Variants in FMNL2 observed in about 807,000 individuals in gnomAD.
FMNL2 encodes formin like 2, also known as formin-like protein 2.
A neutral mutation model predicts 130.2 loss-of-function variants in FMNL2; 51 were observed. The ratio of observed to expected loss-of-function variants is 0.39; its 90% CI spans 0.31 to 0.49. FMNL2 has a LOEUF of 0.49. FMNL2 is among the 20% of genes least tolerant of loss of function. The pLI, the probability that FMNL2 is intolerant of heterozygous loss-of-function variation, is 0.85. For missense variants in FMNL2, 977 were observed against 1,316.2 expected, an observed-to-expected ratio of 0.74 and a Z score of 3.99; for synonymous variants, 465 against 467.1, an observed-to-expected ratio of 1.00 and a Z score of 0.06.
At position 152,560,733 on chromosome 2, in the gene FMNL2, C is replaced by T. The variant is rs1397746601; in HGVS notation, c.444-150C>T. The T allele has an allele frequency of 2.0e-5, 13 of 641,284 alleles. No individual in the cohort carries two copies. The African/African-American group carries it at 2.4e-4, about 12-fold the overall frequency. The allele number at this position is 641,284 out of a possible 1,614,324, so 39.7% of individuals were successfully genotyped here. ...AGCTAACACTGAGCCCATAGAAATTCCATTATATTTCCTTTCCAGTTTTCT... is the reference window on the plus strand; with the variant it reads ...AGCTAACACTGAGCCCATAGAAATTTCATTATATTTCCTTTCCAGTTTTCT... On this transcript the variant is annotated intron_variant, in intron 5 of 25. Transcript: ENST00000288670.
intron 1 of FMNL2, among the ~76,000 whole-genome samples, chr2:152,336,125 C>T (rs1315097791): frequency 1.7e-5 from 2 of 115,684 alleles, no homozygotes; most frequent in Admixed American, 9.2e-5. Context: ...AACAAAACAC[C>T]CTGAGCCCCT....
At chr2:152,349,615 C>T (rs536594493) in intron 1 of FMNL2, among the ~76,000 whole-genome samples, 2 of 152,200 alleles carry the variant, frequency 1.3e-5, no homozygotes, top group Non-Finnish European at 2.9e-5. Flanking sequence ...GTGTTATATG[C>T]TGCAAAATCT....
At chr2:152,607,072 A>G (rs1433368470) in intron 9 of FMNL2, among the ~76,000 whole-genome samples, 8 of 133,870 alleles carry the variant, frequency 6.0e-5, no homozygotes, top group Non-Finnish European at 1.6e-5. Flanking sequence ...AAAATTCGTG[A>G]GACTGCAAAG....
At chr2:152,497,075 G>A (rs763547539) in intron 1 of FMNL2, among the ~76,000 whole-genome samples, 2 of 152,086 alleles carry the variant, frequency 1.3e-5, no homozygotes, top group African/African-American at 4.8e-5. Context: ...GAGCTAGGAA[G>A]TATATGTGTA....
intron 9 of FMNL2, among the ~76,000 whole-genome samples, chr2:152,604,220 GGGAGAA>G (rs1430117035): frequency 6.6e-6 from 1 of 150,994 alleles, no homozygotes; most frequent in Non-Finnish European, 1.5e-5. Context: ...TGGGCTATGT[GGGAGAA>G]GGAACCTCAG....
chr2:152,605,296 CTGTGCG>C (rs1364579015), intron 9 of FMNL2, among the ~76,000 whole-genome samples: 7 of 150,828 alleles, frequency 4.6e-5, no homozygotes, highest in Non-Finnish European at 4.4e-5. Flanking sequence ...GTGTGTGCGT[CTGTGCG>C]TGTGCGTGTG....
intron 3 of FMNL2, among the ~76,000 whole-genome samples, chr2:152,544,154 C>T (rs1227523464): frequency 4.6e-5 from 7 of 152,100 alleles, no homozygotes; most frequent in South Asian, 4.2e-4. Context: ...CAGTGGCTCA[C>T]GTCTGTAATC....
chr2:152,560,922 G>A lies in FMNL2; in HGVS notation c.483G>A (p.Ser161=), dbSNP rs1216911994. 1.2e-5 allele frequency: 20 copies of A among 1,612,230 alleles called. 1 individual carries two copies. The highest frequency in any genetic ancestry group is 8.9e-5 in the East Asian group (4 of 44,782). Residue 161 remains serine, a synonymous_variant, in exon 6 of 26, where the codon TCG becomes TCA. Transcript: ENST00000288670. ...GTGTGGAGAGTACTGTGGAGAGCTC[G>A]GTGGACAAATCAAAGCCCTGGAGTA... ...FESVESTVES[S]VDKSKPWSRS... is the part of the protein sequence containing the mutation.
At chr2:152,433,292 C>T (rs1687591644) in intron 1 of FMNL2, among the ~76,000 whole-genome samples, 1 of 152,128 alleles carries the variant, frequency 6.6e-6, no homozygotes, top group Non-Finnish European at 1.5e-5. Flanking sequence ...TCAACTATTG[C>T]AAAATAACAG....
At position 152,625,466 on chromosome 2, in the gene FMNL2, G is replaced by A. The variant is rs763794973; in HGVS notation, c.1866G>A (p.Thr622=). ...AAVKIKKPIK[T]KFRMPVFNWV... is the part of the protein sequence containing the mutation. ...TGAAAATTAAGAAGCCAATCAAGAC[G>A]AAGTTCAGAATGCCAGTGTTTAACT... The change falls in exon 16 of 26, where the codon ACG becomes ACA. Residue 622 remains threonine (T), a synonymous_variant. Transcript: ENST00000288670. 14 of 1,610,550 alleles carry A rather than the reference G, an allele frequency of 8.7e-6. No homozygotes were observed. The highest frequency in any genetic ancestry group is 1.1e-5 in the Non-Finnish European group (13 of 1,177,106).
At chr2:152,637,718 CCCT>C in intron 23 of FMNL2, 44 bp downstream of exon 23, 1 of 1,547,770 alleles carries the variant, frequency 6.5e-7, no homozygotes, top group Non-Finnish European at 8.9e-7. Flanking sequence ...CAAGCAATTG[CCCT>C]CCTTGAGATG....
chr2:152,554,302 G>A (rs1478350431), intron 4 of FMNL2, among the ~76,000 whole-genome samples: 2 of 152,162 alleles, frequency 1.3e-5, no homozygotes, highest in Non-Finnish European at 2.9e-5. Context: ...AGCTACTCAG[G>A]AGGCTGAGGT....
chr2:152,538,165 C>T (rs1018744800), intron 2 of FMNL2, among the ~76,000 whole-genome samples: 27 of 152,056 alleles, frequency 1.8e-4, no homozygotes, highest in Non-Finnish European at 2.5e-4. Context: ...ATGGATTGCA[C>T]GTAGCTGCTA....
chr2:152,576,777 T>C (rs1696500938), intron 7 of FMNL2, among the ~76,000 whole-genome samples: 1 of 152,068 alleles, frequency 6.6e-6, no homozygotes, highest in South Asian at 2.1e-4. Flanking sequence ...GGGAAGAAGG[T>C]TCTAGGCAGA....
chr2:152,443,266 T>C (rs1349958881), intron 1 of FMNL2, among the ~76,000 whole-genome samples: 2 of 152,222 alleles, frequency 1.3e-5, no homozygotes, highest in Non-Finnish European at 2.9e-5. Context: ...GATGTGATGG[T>C]GTGTGTGGAG....
At chr2:152,593,838 G>GGGGAGA (rs1553483419) in intron 9 of FMNL2, among the ~76,000 whole-genome samples, 6 of 85,056 alleles carry the variant, frequency 7.1e-5, no homozygotes, top group East Asian at 4.9e-4. Flanking sequence ...AGGTGACTAG[G>GGGGAGA]GAGAGAGAGA....
chr2:152,626,173 A>T (rs931862567), intron 16 of FMNL2, among the ~76,000 whole-genome samples: 5 of 152,128 alleles, frequency 3.3e-5, no homozygotes, highest in Non-Finnish European at 7.4e-5. Flanking sequence ...AGTAGCTGAG[A>T]TTACAGGCAC....
intron 1 of FMNL2, among the ~76,000 whole-genome samples, chr2:152,463,676 A>G (rs1447723507): frequency 6.6e-6 from 1 of 152,226 alleles, no homozygotes; most frequent in Non-Finnish European, 1.5e-5. Flanking sequence ...CATGTGTCTC[A>G]AATTTAGGAG....
At chr2:152,369,032 T>G (rs1248716611) in intron 1 of FMNL2, among the ~76,000 whole-genome samples, 3 of 152,222 alleles carry the variant, frequency 2.0e-5, no homozygotes, top group Non-Finnish European at 4.4e-5. Flanking sequence ...TAGCTCTGAA[T>G]GAGATGCTCC....
Sources: allele counts gnomAD v4.1 joint callset (sites outside exome capture counted in the v4.1 genomes callset), GRCh38; gene constraint gnomAD v4.1.1; transcripts MANE v1.5; gene names NCBI Gene and HGNC (gene_info 2026-07-23, HGNC 2026-07-21).